The following ESRRG variants were observed in gnomAD, a reference collection of about 807,000 sequenced individuals.
ESRRG encodes estrogen-related receptor gamma.
A neutral mutation model predicts 44.0 loss-of-function variants in ESRRG; 13 were observed. The observed-to-expected ratio is 0.30, with a 90% CI of 0.19 to 0.47. ESRRG has a LOEUF of 0.47. Among genes scored for constraint, ESRRG ranks in the 20% least tolerant of loss-of-function variants. ESRRG has a pLI of 1.00. For synonymous variants in ESRRG, 215 were observed against 214.6 expected (o/e 1.00, Z -0.02); for missense variants, 395 against 580.6 (o/e 0.68, Z 3.29).
At chr1:217,082,999 AC>A (rs1403937153) in intron 1 of ESRRG, among the ~76,000 whole-genome samples, 2 of 152,212 alleles carry the variant, frequency 1.3e-5, no homozygotes, top group Non-Finnish European at 2.9e-5. Flanking sequence ...TTTCTTTTAA[AC>A]ACCAACCATC....
At chr1:216,964,606 A>G (rs2069844468) in intron 1 of ESRRG, among the ~76,000 whole-genome samples, 1 of 152,124 alleles carries the variant, frequency 6.6e-6, no homozygotes, top group Admixed American at 6.5e-5. Context: ...GTGAATCTGT[A>G]TGTGTCTACC....
At chr1:216,812,873 T>G (rs2576236) in intron 2 of ESRRG, among the ~76,000 whole-genome samples, 36,120 of 152,072 alleles carry the variant, frequency 0.24, 4,685 homozygotes, top group East Asian at 0.37. Flanking sequence ...ATTTAGGGTC[T>G]ATTTTCTATG....
At chr1:217,069,984 A>G (rs1379209258) in intron 1 of ESRRG, among the ~76,000 whole-genome samples, 2 of 152,200 alleles carry the variant, frequency 1.3e-5, no homozygotes, top group Non-Finnish European at 2.9e-5. Flanking sequence ...TCCCAGGAAG[A>G]CCCTCATTAT....
intron 1 of ESRRG, among the ~76,000 whole-genome samples, chr1:217,041,604 A>T (rs2083881035): frequency 6.6e-6 from 1 of 152,174 alleles, no homozygotes; most frequent in South Asian, 2.1e-4. Flanking sequence ...CTCTGGAAAA[A>T]TCAGTCACCA....
chr1:216,598,837 T>C (rs2058797860), intron 3 of ESRRG, among the ~76,000 whole-genome samples: 1 of 152,142 alleles, frequency 6.6e-6, no homozygotes, highest in African/African-American at 2.4e-5. Context: ...TCAAAAAGAA[T>C]TAATTTAATG....
At chr1:216,566,244 G>C (rs550604786) in intron 4 of ESRRG, among the ~76,000 whole-genome samples, 1 of 152,282 alleles carries the variant, frequency 6.6e-6, no homozygotes, top group African/African-American at 2.4e-5. Flanking sequence ...TCTCAGCAAA[G>C]CTCAGGCACA....
chr1:216,554,682 T>C (rs982259182), intron 5 of ESRRG, among the ~76,000 whole-genome samples: 2 of 151,988 alleles, frequency 1.3e-5, no homozygotes, highest in Non-Finnish European at 2.9e-5. Flanking sequence ...ATAGTTGGGG[T>C]CACTTTTGCT....
At chr1:217,012,154 T>A (rs1030105088) in intron 1 of ESRRG, among the ~76,000 whole-genome samples, 5 of 152,208 alleles carry the variant, frequency 3.3e-5, no homozygotes, top group African/African-American at 1.2e-4. Context: ...CATTTCTTAA[T>A]AAATCTGCCT....
intron 2 of ESRRG, among the ~76,000 whole-genome samples, chr1:216,659,853 T>C (rs2071791402): frequency 6.6e-6 from 1 of 152,168 alleles, no homozygotes; most frequent in South Asian, 2.1e-4. Context: ...CAACTGTATA[T>C]TCTTTGAGGG....
intron 2 of ESRRG, among the ~76,000 whole-genome samples, chr1:216,779,400 A>G (rs2093792840): frequency 1.1e-5 from 1 of 88,054 alleles, no homozygotes; most frequent in South Asian, 4.0e-4. Context: ...AAATAACTAT[A>G]AATATTATAA....
At chr1:216,603,716 G>A (rs779665229) in intron 3 of ESRRG, among the ~76,000 whole-genome samples, 1 of 152,076 alleles carries the variant, frequency 6.6e-6, no homozygotes, top group Non-Finnish European at 1.5e-5. Context: ...ATCACTTGAG[G>A]CCAGGAGTTC....
intron 5 of ESRRG, among the ~76,000 whole-genome samples, chr1:216,534,272 C>T (rs944413383): frequency 2.0e-5 from 3 of 151,948 alleles, no homozygotes; most frequent in African/African-American, 7.3e-5. Flanking sequence ...CTCCGTATCT[C>T]GAAATCAAAT....
intron 2 of ESRRG, among the ~76,000 whole-genome samples, chr1:216,895,545 G>T (rs1479315548): frequency 2.6e-5 from 4 of 152,116 alleles, no homozygotes; most frequent in Non-Finnish European, 5.9e-5. Flanking sequence ...TCCTCTGAAG[G>T]ATACAAATGT....
At chr1:217,033,938 T>C (rs936574623) in intron 1 of ESRRG, among the ~76,000 whole-genome samples, 2 of 152,216 alleles carry the variant, frequency 1.3e-5, no homozygotes, top group African/African-American at 4.8e-5. Context: ...GGAATGGCAG[T>C]GAGATTGGAG....
chr1:216,631,363 A>G (rs6686168), intron 3 of ESRRG, among the ~76,000 whole-genome samples: 2,647 of 152,292 alleles, frequency 0.017, 81 homozygotes, highest in African/African-American at 0.06. Context: ...TGGGCTACTT[A>G]TTATCTTGGT....
At chr1:216,897,141 C>T (rs1460519742) in intron 2 of ESRRG, among the ~76,000 whole-genome samples, 1 of 151,990 alleles carries the variant, frequency 6.6e-6, no homozygotes, top group East Asian at 1.9e-4. Context: ...GAAAAGTAAC[C>T]CTGGGAAGAA....
chr1:217,073,197 C>CAAAAAAAAAAAAA (rs34950214), intron 1 of ESRRG, among the ~76,000 whole-genome samples: 1 of 75,984 alleles, frequency 1.3e-5, no homozygotes, highest in Non-Finnish European at 2.4e-5. Flanking sequence ...CCTTTCTGGA[C>CAAAAAAAAAAAAA]AAAAAAAAAA....
intron 2 of ESRRG, among the ~76,000 whole-genome samples, chr1:216,676,189 A>G (rs1269534989): frequency 3.3e-5 from 5 of 152,192 alleles, no homozygotes; most frequent in East Asian, 1.9e-4. Context: ...GCCAGAATAT[A>G]TATCTATAGC....
intron 2 of ESRRG, among the ~76,000 whole-genome samples, chr1:216,929,266 C>CCTTCCTTCCTTCCTTCCTTG (rs2063003443): frequency 6.6e-6 from 1 of 151,758 alleles, no homozygotes; most frequent in African/African-American, 2.4e-5. Flanking sequence ...TTCCTTGCTT[C>CCTTCCTTCCTTCCTTCCTTG]CTTCCTTCCT....
Sources: gnomAD v4.1 joint callset for allele counts (sites outside exome capture counted in the v4.1 genomes callset) on GRCh38, gnomAD v4.1.1 for gene constraint, MANE v1.5 for transcripts, NCBI Gene and HGNC (gene_info 2026-07-23, HGNC 2026-07-21) for gene names.